GDF7: variants seen among roughly 807,000 people sequenced by gnomAD.
GDF7 encodes the protein growth/differentiation factor 7.
In GDF7, 12 loss-of-function variants were observed where a neutral mutation model predicts 13.4. That is an observed-to-expected ratio of 0.90 (90% confidence interval 0.57 to 1.45). The LOEUF (loss-of-function observed/expected upper bound fraction) is 1.45. Ranked by LOEUF, GDF7 falls within the 40% of genes most tolerant of loss-of-function variation. The pLI is 0.00. For synonymous variants in GDF7, 330 were observed against 306.4 expected, an observed-to-expected ratio of 1.08 and a Z score of -0.80; for missense variants, 651 against 652.4, an observed-to-expected ratio of 1.00 and a Z score of 0.02.
intron 1 of GDF7, among the ~76,000 whole-genome samples, chr2:20,669,636 T>G (rs987736343): frequency 4.6e-5 from 7 of 152,196 alleles, no homozygotes; most frequent in Non-Finnish European, 8.8e-5. Flanking sequence ...GGGAGGTTCC[T>G]TGTGTTCCTT....
Position 20,667,230 on chromosome 2 carries a change from C to T in GDF7, c.-10C>T. 1 of 1,192,370 alleles carries T rather than the reference C, an allele frequency of 8.4e-7. No individual in the cohort carries two copies. The highest frequency in any genetic ancestry group is 1.0e-6 in the Non-Finnish European group (1 of 962,540). 73.9% of individuals were successfully genotyped at this position (1,192,370 alleles called of 1,614,324 possible). ...GCCCGCGCCGCCCGCCCGCCCGGCC[C>T]ACGGAGCCCATGGACCTGAGCGCCG... is the stretch of plus-strand genomic sequence containing the variant. On this transcript the variant is annotated 5_prime_UTR_variant, in exon 1 of 2. Coordinates refer to ENST00000272224, the MANE Select transcript of GDF7 (RefSeq NM_182828.4). The surrounding 1 kb of genome is among the most constrained non-coding windows in gnomAD (Gnocchi z 6.4).
In GDF7 at chr2:20,678,698, A is replaced by T. The variant is rs1383619461; in HGVS notation, c.*7273A>T. 6.6e-6 allele frequency: 1 copy of T among 152,252 alleles called. No individual in the cohort carries two copies. Among genetic ancestry groups the T allele is most frequent in the Non-Finnish European group, 1.5e-5 (1 of 68,046 alleles). The allele number at this position is 152,252 out of a possible 1,614,324, so 9.4% of individuals were successfully genotyped here. A position where few individuals can be genotyped will look rare whatever the true frequency, so the allele number is the denominator to read the frequency against. On this transcript the variant is annotated 3_prime_UTR_variant, in exon 2 of 2. Coordinates refer to ENST00000272224, the MANE Select transcript of GDF7 (RefSeq NM_182828.4). Reference sequence around the variant, plus strand: ...TAAAACTCAAAGTGCCAGTAATGCCATCAAGGCTCAGTAACATGCCATTTC... The same window carrying T: ...TAAAACTCAAAGTGCCAGTAATGCCTTCAAGGCTCAGTAACATGCCATTTC...
In GDF7 at chr2:20,676,626, G is replaced by A. The variant is rs746776; in HGVS notation, c.*5201G>A. 0.32 allele frequency: 49,100 copies of A among 152,158 alleles called. 11,288 individuals carry two copies. The highest frequency in any genetic ancestry group is 0.64 in the African/African-American group (26,661 of 41,466). 9.4% of individuals were successfully genotyped at this position (152,158 alleles called of 1,614,324 possible). A position where few individuals can be genotyped will look rare whatever the true frequency, so the allele number is the denominator to read the frequency against. On this transcript the variant is annotated 3_prime_UTR_variant, in exon 2 of 2. Coordinates refer to ENST00000272224, the MANE Select transcript of GDF7 (RefSeq NM_182828.4). ...TGACTGAGGGCCTAGAAGTTGCCGC[G>A]TGAGCTCTGATCATCATTAGGGGTG...
chr2:20,669,268 G>A (rs1025729983), intron 1 of GDF7, among the ~76,000 whole-genome samples: 5 of 152,194 alleles, frequency 3.3e-5, no homozygotes, highest in Admixed American at 6.5e-5. Flanking sequence ...GGATAGAACC[G>A]GGACCTCAGG....
Position 20,678,939 on chromosome 2 carries a change from C to A in GDF7, c.*7514C>A, listed in dbSNP as rs1662279242. On this transcript the variant is annotated 3_prime_UTR_variant, in exon 2 of 2. Coordinates refer to ENST00000272224, the MANE Select transcript of GDF7 (RefSeq NM_182828.4). ...AGAACTCCGAGGCTTGCAGGCTGGG[C>A]TGTCTCCTTGCTGCCTGGCTTGGGT... 6.6e-6 allele frequency: 1 copy of A among 152,184 alleles called. No individual in the cohort carries two copies. Among genetic ancestry groups the A allele is most frequent in the South Asian group, 2.1e-4 (1 of 4,832 alleles). The allele number at this position is 152,184 out of a possible 1,614,324, so 9.4% of individuals were successfully genotyped here.
Position 20,670,838 on chromosome 2 carries a change from G to T in GDF7, c.766G>T (p.Gly256Cys). The T allele has an allele frequency of 6.7e-7, 1 of 1,496,004 alleles. No homozygotes were observed. The highest frequency in any genetic ancestry group is 8.9e-7 in the Non-Finnish European group (1 of 1,129,298). The allele number at this position is 1,496,004 out of a possible 1,614,324, so 92.7% of individuals were successfully genotyped here. A position where few individuals can be genotyped will look rare whatever the true frequency, so the allele number is the denominator to read the frequency against. The change falls in exon 2 of 2, where the codon GGC (glycine) becomes TGC (cysteine). Residue 256 changes from glycine (G) to cysteine (C), a missense_variant. Gly to Cys is a radical substitution (Grantham distance 159). Around this residue, in one of 4 missense-constraint regions of GDF7, gnomAD observed 487 missense variants for 445.9 expected, o/e 1.09. Coordinates refer to ENST00000272224, the MANE Select transcript of GDF7 (RefSeq NM_182828.4). ...ALRRLGFGWP[G>C]GGGSAAEERA... ...GCGGCGGCTGGGCTTCGGCTGGCCGGGCGGAGGGGGCTCTGCGGCAGAGGA... is the reference window on the plus strand; with the variant it reads ...GCGGCGGCTGGGCTTCGGCTGGCCGTGCGGAGGGGGCTCTGCGGCAGAGGA...
rs1239899197 is a variant in GDF7, at chr2:20,674,280, A to C, written c.*2855A>C. On this transcript the variant is annotated 3_prime_UTR_variant, in exon 2 of 2. Coordinates refer to ENST00000272224, the MANE Select transcript of GDF7 (RefSeq NM_182828.4). ...GAGAAAGCATGTCAAGACTGTGAGG[A>C]AAGGCTGTCCCCTCAACCCCAACCT... is the stretch of plus-strand genomic sequence containing the variant. 1 of 152,226 alleles carries C rather than the reference A, an allele frequency of 6.6e-6. No individual in the cohort carries two copies. The highest frequency in any genetic ancestry group is 1.5e-5 in the Non-Finnish European group (1 of 68,038). 9.4% of individuals were successfully genotyped at this position (152,226 alleles called of 1,614,324 possible). A position where few individuals can be genotyped will look rare whatever the true frequency, so the allele number is the denominator to read the frequency against.
chr2:20,671,103 G>A lies in GDF7; in HGVS notation c.1031G>A (p.Arg344Lys). The change falls in exon 2 of 2, where the codon AGG (arginine) becomes AAG (lysine). Residue 344 changes from arginine to lysine, a missense_variant. Arg to Lys is a conservative substitution (Grantham distance 26). Transcript: ENST00000272224. ...GGGAGRGHGRRGRSRCSRKPL... is the reference protein window; with the variant it reads ...GGGAGRGHGRKGRSRCSRKPL... ...GGCGCGGGCCGGGGCCACGGGCGCA[G>A]GGGCCGGAGCCGCTGCAGCCGCAAG... 6.3e-7 allele frequency: 1 copy of A among 1,576,336 alleles called. No homozygotes were observed.
At position 20,671,872 on chromosome 2, in the gene GDF7, T is replaced by TC. The variant is rs996298031; in HGVS notation, c.*450dup. On this transcript the variant is annotated 3_prime_UTR_variant, in exon 2 of 2. Coordinates refer to ENST00000272224, the MANE Select transcript of GDF7 (RefSeq NM_182828.4). ...TTCTGGCCCGATGTGGGGCATCGCT[T>TC]CCCTGGGGGGCTGAGCGCCGCGTGG... is the stretch of plus-strand genomic sequence containing the variant. 5.2e-6 allele frequency: 1 copy of TC among 193,080 alleles called. No individual in the cohort carries two copies. Among genetic ancestry groups the TC allele is most frequent in the African/African-American group, 2.4e-5 (1 of 42,532 alleles). The allele number at this position is 193,080 out of a possible 1,614,324, so 12.0% of individuals were successfully genotyped here. A position where few individuals can be genotyped will look rare whatever the true frequency, so the allele number is the denominator to read the frequency against.
Position 20,673,480 on chromosome 2 carries a change from T to TA in GDF7, c.*2056dup, listed in dbSNP as rs1662167200. The stretch of plus-strand genomic sequence containing the variant: ...TGAAGCTTGTCATAATGAAGAATTA[T>TA]ATATTAAAAAAAGCACTGAAGTGTT... On this transcript the variant is annotated 3_prime_UTR_variant, in exon 2 of 2. Coordinates refer to ENST00000272224, the MANE Select transcript of GDF7 (RefSeq NM_182828.4). The TA allele has an allele frequency of 1.3e-5, 2 of 152,214 alleles. No homozygotes were observed. The highest frequency in any genetic ancestry group is 1.5e-5 in the Non-Finnish European group (1 of 68,042). The allele number at this position is 152,214 out of a possible 1,614,324, so 9.4% of individuals were successfully genotyped here.
chr2:20,668,677 AAGGCAGGCAG>A (rs956262811), intron 1 of GDF7, among the ~76,000 whole-genome samples: 4 of 152,130 alleles, frequency 2.6e-5, no homozygotes, highest in African/African-American at 9.7e-5. Flanking sequence ...CTAGCCTGGG[AAGGCAGGCAG>A]AGGCCTTGCA....
intron 1 of GDF7, among the ~76,000 whole-genome samples, chr2:20,669,958 G>T (rs1288027123): frequency 6.6e-6 from 1 of 152,216 alleles, no homozygotes; most frequent in Non-Finnish European, 1.5e-5. Context: ...AGAATTTTCC[G>T]TTTTCGCACA....
Position 20,667,508 on chromosome 2 carries a change from A to T in GDF7, c.269A>T (p.His90Leu). The T allele has an allele frequency of 7.3e-7, 1 of 1,379,304 alleles. No homozygotes were observed. Among genetic ancestry groups the T allele is most frequent in the Non-Finnish European group, 9.3e-7 (1 of 1,070,540 alleles). 85.4% of individuals were successfully genotyped at this position (1,379,304 alleles called of 1,614,324 possible). The change falls in exon 1 of 2, where the codon CAC (histidine) becomes CTC (leucine). Residue 90 changes from histidine (H) to leucine (L), a missense_variant. By Grantham distance (99) the His-to-Leu change is moderately conservative. This residue lies in a region of GDF7 where 487 missense variants were observed against 445.9 expected (regional missense o/e 1.09). Coordinates refer to ENST00000272224, the MANE Select transcript of GDF7 (RefSeq NM_182828.4). The surrounding 1 kb of genome is among the most constrained non-coding windows in gnomAD (Gnocchi z 6.4). ...GFRNGSVVPH[H>L]FMMSLYRSLA... ...AGGAACGGCTCGGTGGTGCCGCACC[A>T]CTTCATGATGTCGCTTTACCGGAGC...
Position 20,667,426 on chromosome 2 carries a change from C to T in GDF7, c.187C>T (p.Pro63Ser). ...CCAGGCTGCGGGCGCCGCGGCTGTC[C>T]CGGCCGCCGCGGTTCCCCGGGCCCG... ...LAQAAGAAAV[P>S]AAAVPRARAA... The change falls in exon 1 of 2, where the codon CCG (proline) becomes TCG (serine). Residue 63 changes from proline (P) to serine (S), a missense_variant. Around this residue, in one of 4 missense-constraint regions of GDF7, gnomAD observed 487 missense variants for 445.9 expected, o/e 1.09. Coordinates refer to ENST00000272224, the MANE Select transcript of GDF7 (RefSeq NM_182828.4). The surrounding 1 kb of genome is among the most constrained non-coding windows in gnomAD (Gnocchi z 6.4). 2.0e-6 allele frequency: 2 copies of T among 1,004,106 alleles called. No individual in the cohort carries two copies. Among genetic ancestry groups the T allele is most frequent in the Non-Finnish European group, 2.4e-6 (2 of 837,690 alleles). The allele number at this position is 1,004,106 out of a possible 1,614,324, so 62.2% of individuals were successfully genotyped here. A position where few individuals can be genotyped will look rare whatever the true frequency, so the allele number is the denominator to read the frequency against.
At position 20,671,120 on chromosome 2, in the gene GDF7, A is replaced by C; in HGVS notation, c.1048A>C (p.Ser350Arg). Residue 350 changes from serine (S) to arginine (R), a missense_variant, in exon 2 of 2, where the codon AGC becomes CGC. Physicochemically the swap from Ser to Arg is moderately radical, Grantham distance 110. This residue lies in a region of GDF7 where 487 missense variants were observed against 445.9 expected (regional missense o/e 1.09). Transcript: ENST00000272224. Reference sequence around the variant, plus strand: ...CGGGCGCAGGGGCCGGAGCCGCTGCAGCCGCAAGCCGTTGCACGTGGACTT... The same window carrying C: ...CGGGCGCAGGGGCCGGAGCCGCTGCCGCCGCAAGCCGTTGCACGTGGACTT... Reference protein sequence around the residue: ...GHGRRGRSRCSRKPLHVDFKE... With the variant: ...GHGRRGRSRCRRKPLHVDFKE... The C allele has an allele frequency of 6.2e-7, 1 of 1,606,306 alleles. No homozygotes were observed. Among genetic ancestry groups the C allele is most frequent in the Non-Finnish European group, 8.5e-7 (1 of 1,177,208 alleles).
intron 1 of GDF7, among the ~76,000 whole-genome samples, chr2:20,670,095 T>C (rs1206739933): frequency 6.6e-6 from 1 of 152,204 alleles, no homozygotes; most frequent in Non-Finnish European, 1.5e-5. Context: ...TCTCGGATTC[T>C]GGCCCGCGGC....
At position 20,671,120 on chromosome 2, in the gene GDF7, A is replaced by G; in HGVS notation, c.1048A>G (p.Ser350Gly). The G allele has an allele frequency of 6.2e-7, 1 of 1,606,306 alleles. No homozygotes were observed. Among genetic ancestry groups the G allele is most frequent in the Non-Finnish European group, 8.5e-7 (1 of 1,177,208 alleles). The part of the protein sequence containing the change: ...GHGRRGRSRC[S>G]RKPLHVDFKE... The stretch of plus-strand genomic sequence containing the variant: ...CGGGCGCAGGGGCCGGAGCCGCTGC[A>G]GCCGCAAGCCGTTGCACGTGGACTT... Residue 350 changes from serine to glycine, a missense_variant, in exon 2 of 2, where the codon AGC becomes GGC. By Grantham distance (56) the Ser-to-Gly change is moderately conservative (BLOSUM62 0). Coordinates refer to ENST00000272224, the MANE Select transcript of GDF7 (RefSeq NM_182828.4).
rs182950186 is a variant in GDF7, at chr2:20,678,490, G to C, written c.*7065G>C. ...AAGTTTGGACTGTCTTTTTCTTTTTGTATACAAATAAAGCAGCAGATCCTT... is the reference window on the plus strand; with the variant it reads ...AAGTTTGGACTGTCTTTTTCTTTTTCTATACAAATAAAGCAGCAGATCCTT... On this transcript the variant is annotated 3_prime_UTR_variant, in exon 2 of 2. Transcript: ENST00000272224. The C allele has an allele frequency of 5.3e-5, 8 of 152,250 alleles. No individual in the cohort carries two copies. Among genetic ancestry groups the C allele is most frequent in the Admixed American group, 5.2e-4 (8 of 15,296 alleles). 9.4% of individuals were successfully genotyped at this position (152,250 alleles called of 1,614,324 possible). A position where few individuals can be genotyped will look rare whatever the true frequency, so the allele number is the denominator to read the frequency against.
rs768002867 is a variant in GDF7, at chr2:20,675,008, A to C, written c.*3583A>C. The C allele has an allele frequency of 1.2e-4, 19 of 152,286 alleles. No individual in the cohort carries two copies. Among genetic ancestry groups the C allele is most frequent in the Admixed American group, 2.6e-4 (4 of 15,288 alleles). 9.4% of individuals were successfully genotyped at this position (152,286 alleles called of 1,614,324 possible). A position where few individuals can be genotyped will look rare whatever the true frequency, so the allele number is the denominator to read the frequency against. Reference sequence around the variant, plus strand: ...TGATTTTCTTCTTAGAGCAGGGAGAAAAATTACGTTCTTTCCAAGAGCAGC... The same window carrying C: ...TGATTTTCTTCTTAGAGCAGGGAGACAAATTACGTTCTTTCCAAGAGCAGC... On this transcript the variant is annotated 3_prime_UTR_variant, in exon 2 of 2. Transcript: ENST00000272224.
Sources: gnomAD v4.1 joint callset for allele counts (sites outside exome capture counted in the v4.1 genomes callset) on GRCh38, gnomAD v4.1.1 for gene constraint, gnomAD v4.1.1 regional missense constraint, Gnocchi (gnomAD v3.1) non-coding constraint, MANE v1.5 for transcripts, NCBI Gene and HGNC (gene_info 2026-07-23, HGNC 2026-07-21) for gene names.